STKLD1: variants seen among roughly 807,000 people sequenced by gnomAD.
STKLD1 encodes the protein serine/threonine kinase-like domain-containing protein STKLD1.
In STKLD1, 79 loss-of-function variants were observed where a neutral mutation model predicts 80.4. The ratio of observed to expected loss-of-function variants is 0.98; its 90% CI spans 0.82 to 1.19. The LOEUF (loss-of-function observed/expected upper bound fraction) is 1.19, where lower values mean the gene tolerates loss of function less well. Among genes scored for constraint, STKLD1 ranks in the 50% most tolerant of loss-of-function variants. STKLD1 has a pLI of 0.00. For missense variants in STKLD1, 841 were observed against 856.0 expected, an observed-to-expected ratio of 0.98 and a Z score of 0.22; for synonymous variants, 393 against 357.6, an observed-to-expected ratio of 1.10 and a Z score of -1.12.
At chr9:133,388,989 CCTCT>C (rs1380884550) in intron 5 of STKLD1, 61 of 985,314 alleles carry the variant, frequency 6.2e-5, no homozygotes, top group Admixed American at 6.1e-5. Context: ...CCCCTCAGCC[CCTCT>C]CTGACACCCC....
chr9:133,401,821 G>A lies in STKLD1; in HGVS notation c.1282G>A (p.Glu428Lys), dbSNP rs781909747. 30 of 1,613,526 alleles carry A rather than the reference G, an allele frequency of 1.9e-5. No individual in the cohort carries two copies. Among genetic ancestry groups the A allele is most frequent in the Middle Eastern group, 1.6e-4 (1 of 6,084 alleles). The change falls in exon 13 of 18, where the codon GAG becomes AAG. Residue 428 changes from glutamate to lysine, a missense_variant. By Grantham distance (56) the Glu-to-Lys change is moderately conservative. Coordinates refer to ENST00000371957, the MANE Select transcript of STKLD1 (RefSeq NM_153710.5). ...GCTGAGTGCTCTTCAGAGCCACCCC[G>A]AGGAGGAGCCACTTCTTGTCATGGT... ...TLLSALQSHP[E>K]EEPLLVMVYS...
chr9:133,397,868 G>C, intron 10 of STKLD1, 104 bp from the exon 11 acceptor site: 3 of 837,906 alleles, frequency 3.6e-6, no homozygotes, highest in Non-Finnish European at 5.7e-6. Context: ...TGGATCTGAG[G>C]AGGGGATGCA....
chr9:133,383,712 G>A, intron 2 of STKLD1, 144 bp from the exon 3 acceptor site: 1 of 752,036 alleles, frequency 1.3e-6, no homozygotes, highest in South Asian at 1.5e-5. Context: ...TGTTGGTTGT[G>A]GTTGTGGTAA....
At chr9:133,392,170 G>A (rs956066939) in intron 7 of STKLD1, among the ~76,000 whole-genome samples, 9 of 150,508 alleles carry the variant, frequency 6.0e-5, no homozygotes, top group African/African-American at 9.8e-5. Context: ...TCCGCCTACC[G>A]GGTTCACGCC....
chr9:133,398,333 C>G (rs2130680256), intron 11 of STKLD1, among the ~76,000 whole-genome samples: 1 of 152,330 alleles, frequency 6.6e-6, no homozygotes, highest in African/African-American at 2.4e-5. Flanking sequence ...TGAGGGGTAT[C>G]TGAGTTGTTT....
rs1301725529 is a variant in STKLD1, at chr9:133,385,805, T to C, written c.294+114T>C. ...ACTGTCAGAATAGCTCGTGTGGCAATGGCAGTGACTGTAAACGTGGCCACC... is the reference window on the plus strand; with the variant it reads ...ACTGTCAGAATAGCTCGTGTGGCAACGGCAGTGACTGTAAACGTGGCCACC... On this transcript the variant is annotated intron_variant, in intron 4 of 17. Coordinates refer to ENST00000371957, the MANE Select transcript of STKLD1 (RefSeq NM_153710.5). The surrounding 1 kb of genome is among the most constrained non-coding windows in gnomAD (Gnocchi z 4.9). 2.1e-6 allele frequency: 2 copies of C among 964,108 alleles called. No individual in the cohort carries two copies. The highest frequency in any genetic ancestry group is 1.5e-5 in the South Asian group (1 of 68,318). 59.7% of individuals were successfully genotyped at this position (964,108 alleles called of 1,614,324 possible).
intron 14 of STKLD1, among the ~76,000 whole-genome samples, chr9:133,403,231 C>T (rs1468803269): frequency 1.3e-5 from 2 of 152,216 alleles, no homozygotes; most frequent in East Asian, 1.9e-4. Context: ...TGGCAGAGGC[C>T]GGGTTTCAGG....
chr9:133,395,933 C>G (rs933779468), intron 9 of STKLD1, 170 bp downstream of exon 9: 1 of 660,554 alleles, frequency 1.5e-6, no homozygotes, highest in South Asian at 2.0e-5. Context: ...TCTCCCAAAC[C>G]GTGCTGCGGC....
In STKLD1 at chr9:133,379,606, G is replaced by A. The variant is rs1023536907; in HGVS notation, c.174+484G>A. ...CCAGAGAGGATGGGGACTGGCTCAA[G>A]GTCACACAGGGCTAAGGTCACACAC... is the stretch of plus-strand genomic sequence containing the variant. On this transcript the variant is annotated intron_variant, in intron 2 of 17. Coordinates refer to ENST00000371957, the MANE Select transcript of STKLD1 (RefSeq NM_153710.5). 1.3e-5 allele frequency among the ~76,000 whole-genome samples: 2 copies of A among 152,204 alleles called. 1 individual carries two copies. Among genetic ancestry groups the A allele is most frequent in the Non-Finnish European group, 2.9e-5 (2 of 68,032 alleles).
In STKLD1 at chr9:133,401,738, C is replaced by A. The variant is rs201751407; in HGVS notation, c.1199C>A (p.Ala400Glu). The change falls in exon 13 of 18, where the codon GCG (alanine) becomes GAG (glutamate). Residue 400 changes from alanine (A) to glutamate (E), a missense_variant and splice_region_variant. By Grantham distance (107) the Ala-to-Glu change is moderately radical (BLOSUM62 -1). Transcript: ENST00000371957. ...CSLLLHLLGQALVHHPEAKAP... is the reference protein window; with the variant it reads ...CSLLLHLLGQELVHHPEAKAP... ...AGGCGTCTTCCTCTGGCTTGAGCAG[C>A]GCTGGTGCACCACCCGGAAGCCAAG... The A allele has an allele frequency of 1.9e-6, 3 of 1,611,192 alleles. No homozygotes were observed. Among genetic ancestry groups the A allele is most frequent in the Non-Finnish European group, 2.5e-6 (3 of 1,179,522 alleles).
intron 2 of STKLD1, among the ~76,000 whole-genome samples, chr9:133,382,513 G>T (rs909886187): frequency 6.6e-6 from 1 of 151,856 alleles, no homozygotes; most frequent in Non-Finnish European, 1.5e-5. Context: ...TGGCAGTGAT[G>T]ATGGTGATGA....
chr9:133,387,757 A>G, intron 5 of STKLD1: 1 of 669,568 alleles, frequency 1.5e-6, no homozygotes, highest in Non-Finnish European at 2.8e-6. Flanking sequence ...TTCCACCCAG[A>G]TCAAGACAGA....
At position 133,396,457 on chromosome 9, in the gene STKLD1, A is replaced by T. The variant is rs190573541; in HGVS notation, c.866+694A>T. 2.6e-5 allele frequency among the ~76,000 whole-genome samples: 4 copies of T among 152,004 alleles called. No homozygotes were observed. The East Asian group carries it at 7.8e-4, about 29-fold the overall frequency. On this transcript the variant is annotated intron_variant, in intron 9 of 17. Coordinates refer to ENST00000371957, the MANE Select transcript of STKLD1 (RefSeq NM_153710.5). ...TGTCTCAAAAACAAAACAAAAACAT[A>T]TAACAAAGAATCCAGGCCGGACACG...
chr9:133,400,389 C>T (rs782193994), intron 11 of STKLD1, 24 bp from the exon 12 acceptor site: 2 of 1,591,112 alleles, frequency 1.3e-6, no homozygotes, highest in Admixed American at 1.7e-5. Flanking sequence ...AAATGAGTCT[C>T]CCCTGTGCCG....
Position 133,398,070 on chromosome 9 carries a change from G to A in STKLD1, c.1081+15G>A. On this transcript the variant is annotated intron_variant, in intron 11 of 17. Transcript: ENST00000371957. ...AGATCAGCTAGGTAGGCCCCACCCTGCACCCCTTTCCCAGCTGCTCCCCTA... is the reference window on the plus strand; with the variant it reads ...AGATCAGCTAGGTAGGCCCCACCCTACACCCCTTTCCCAGCTGCTCCCCTA... The A allele has an allele frequency of 1.1e-5, 18 of 1,611,408 alleles. No homozygotes were observed. The highest frequency in any genetic ancestry group is 1.5e-5 in the Non-Finnish European group (18 of 1,178,362).
At chr9:133,404,671 G>A (rs587734972) in intron 16 of STKLD1, 118 bp from the exon 17 acceptor site, 45 of 1,426,128 alleles carry the variant, frequency 3.2e-5, no homozygotes, top group Non-Finnish European at 3.6e-5. Context: ...CCTGGGTCCC[G>A]TCTCTTGTCC....
At position 133,401,780 on chromosome 9, in the gene STKLD1, C is replaced by T; in HGVS notation, c.1241C>T (p.Ala414Val). 2 of 1,613,600 alleles carry T rather than the reference C, an allele frequency of 1.2e-6. No individual in the cohort carries two copies. Among genetic ancestry groups the T allele is most frequent in the Non-Finnish European group, 8.5e-7 (1 of 1,179,998 alleles). Residue 414 changes from alanine (A) to valine (V), a missense_variant, in exon 13 of 18, where the codon GCC becomes GTC. Ala to Val is a moderately conservative substitution (Grantham distance 64). Transcript: ENST00000371957. The stretch of plus-strand genomic sequence containing the variant: ...GAAGCCAAGGCTCCCTGCAACCAAG[C>T]CATCACCTCCACCCTGCTGAGTGCT... ...HPEAKAPCNQ[A>V]ITSTLLSALQ...
chr9:133,404,232 T>C (rs1277769156), intron 16 of STKLD1, among the ~76,000 whole-genome samples, 184 bp downstream of exon 16: 1 of 152,216 alleles, frequency 6.6e-6, no homozygotes, highest in Non-Finnish European at 1.5e-5. Flanking sequence ...CACGCACACT[T>C]GATAAACTCT....
Position 133,383,900 on chromosome 9 carries a change from G to A in STKLD1, c.219G>A (p.Glu73=), listed in dbSNP as rs2130271381. 11 of 1,613,820 alleles carry A rather than the reference G, an allele frequency of 6.8e-6. No homozygotes were observed. The East Asian group carries it at 2.4e-4, about 36-fold the overall frequency. The change falls in exon 3 of 18, where the codon GAG becomes GAA. Residue 73 remains glutamate, a splice_region_variant and synonymous_variant. Transcript: ENST00000371957. ...DDHYASQALE[E]LMPLLKLRHA... is the part of the protein sequence containing the mutation. ...ATTACGCCAGTCAGGCCCTGGAGGA[G>A]GTAACTCTCAGGGTAGTTTTCCCTC...
Sources: allele counts gnomAD v4.1 joint callset (sites outside exome capture counted in the v4.1 genomes callset), GRCh38; gene constraint gnomAD v4.1.1; non-coding constraint Gnocchi (gnomAD v3.1); transcripts MANE v1.5; gene names NCBI Gene and HGNC (gene_info 2026-07-23, HGNC 2026-07-21).